CPVL: variants seen among roughly 807,000 people sequenced by gnomAD.
CPVL encodes the protein carboxypeptidase vitellogenic like.
In CPVL, 51 loss-of-function variants were observed where a neutral mutation model predicts 63.7. The ratio of observed to expected loss-of-function variants is 0.80; its 90% CI spans 0.64 to 1.01. The LOEUF (loss-of-function observed/expected upper bound fraction) is 1.01, where lower values mean the gene tolerates loss of function less well. Ranked by LOEUF, CPVL falls within the 50% of genes least tolerant of loss-of-function variation. CPVL has a pLI of 0.00. For missense variants in CPVL, 530 were observed against 573.1 expected, an observed-to-expected ratio of 0.92 and a Z score of 0.77; for synonymous variants, 195 against 206.0, an observed-to-expected ratio of 0.95 and a Z score of 0.46.
chr7:29,055,724 C>A (rs531809049), intron 11 of CPVL, among the ~76,000 whole-genome samples: 28 of 152,244 alleles, frequency 1.8e-4, no homozygotes, highest in Non-Finnish European at 3.7e-4. Flanking sequence ...ACTGAGGACA[C>A]TGGTTCTCAG....
chr7:29,006,218 T>G (rs779856114), intron 12 of CPVL, among the ~76,000 whole-genome samples: 1 of 152,178 alleles, frequency 6.6e-6, no homozygotes. Flanking sequence ...GTATTTACAC[T>G]ATGGAAATTG....
In CPVL at chr7:29,132,466, G is replaced by C. The variant is rs947468490; in HGVS notation, c.-10-11395C>G. Among the ~76,000 whole-genome samples, 23 of 152,226 alleles carry C rather than the reference G, an allele frequency of 1.5e-4. 1 individual carries two copies. The highest frequency in any genetic ancestry group is 1.1e-3 in the Admixed American group (17 of 15,294). On this transcript the variant is annotated intron_variant, in intron 1 of 12. Coordinates refer to ENST00000265394, the MANE Select transcript of CPVL (RefSeq NM_031311.5). ...TAGGGGTAGGGTGTCAGGCAGAAAG[G>C]TTCACCTTATGGGTACATTTGGATA...
chr7:29,099,712 A>AAAT (rs747637668), intron 3 of CPVL, among the ~76,000 whole-genome samples: 14 of 152,106 alleles, frequency 9.2e-5, no homozygotes, highest in Admixed American at 2.0e-4. Context: ...ATTCTGTCTC[A>AAAT]AATAATAATA....
At chr7:29,069,974 T>C (rs2128573585) in intron 9 of CPVL, among the ~76,000 whole-genome samples, 1 of 152,308 alleles carries the variant, frequency 6.6e-6, no homozygotes, top group Admixed American at 6.5e-5. Context: ...CTGACATTTA[T>C]ATTCCCCTGG....
chr7:29,121,878 G>A (rs1310038300), intron 1 of CPVL, among the ~76,000 whole-genome samples: 1 of 151,948 alleles, frequency 6.6e-6, no homozygotes, highest in Non-Finnish European at 1.5e-5. Context: ...AAGGGGGGAG[G>A]GTCCTACAAC....
chr7:29,099,690 CA>C (rs1251328239), intron 3 of CPVL, among the ~76,000 whole-genome samples: 2 of 152,146 alleles, frequency 1.3e-5, no homozygotes, highest in African/African-American at 4.8e-5. Context: ...TCAGCCTGGG[CA>C]ACAGAACAAG....
At chr7:29,049,671 C>T (rs990441248) in intron 11 of CPVL, among the ~76,000 whole-genome samples, 4 of 152,096 alleles carry the variant, frequency 2.6e-5, no homozygotes, top group Non-Finnish European at 4.4e-5. Flanking sequence ...TCTAGGAAAC[C>T]AGCATCACCC....
At chr7:29,114,643 ATAT>A (rs1562776125) in intron 2 of CPVL, among the ~76,000 whole-genome samples, 1 of 151,998 alleles carries the variant, frequency 6.6e-6, no homozygotes, top group Non-Finnish European at 1.5e-5. Context: ...AAAAAAACAT[ATAT>A]ATAGGCATGC....
chr7:29,144,100 C>T (rs896351770), intron 1 of CPVL, among the ~76,000 whole-genome samples: 10 of 152,192 alleles, frequency 6.6e-5, no homozygotes, highest in African/African-American at 1.7e-4. Flanking sequence ...TCAATATAGA[C>T]GTTAATGAGT....
In CPVL at chr7:29,166,983, T is replaced by A. The variant is rs187570442; in HGVS notation, c.-11+14307A>T. ...CTCCACAATATAAGATATATTTCTA[T>A]GCTTTTTTGCATGCATAGAGTACAT... On this transcript the variant is annotated intron_variant, in intron 5 of 16. Transcript: ENST00000409850. Among the ~76,000 whole-genome samples, 4 of 152,292 alleles carry A rather than the reference T, an allele frequency of 2.6e-5. No individual in the cohort carries two copies. In the East Asian group the frequency reaches 5.8e-4, roughly 22 times the overall value.
chr7:29,057,585 T>A (rs567733810), intron 11 of CPVL, among the ~76,000 whole-genome samples: 1 of 152,334 alleles, frequency 6.6e-6, no homozygotes, highest in South Asian at 2.1e-4. Flanking sequence ...CCCAAGGTCA[T>A]TTAGATTTTC....
chr7:29,018,906 G>C (rs1786682134), intron 12 of CPVL, among the ~76,000 whole-genome samples: 1 of 152,166 alleles, frequency 6.6e-6, no homozygotes, highest in Non-Finnish European at 1.5e-5. Flanking sequence ...GGGACCCAGA[G>C]ATAACACTTG....
chr7:29,194,959 C>T (rs1434053556), intron 1 of CPVL: 13 of 1,584,050 alleles, frequency 8.2e-6, no homozygotes, highest in Non-Finnish European at 1.0e-5. Flanking sequence ...CGTCCAGCAA[C>T]TCCAGCCTGT....
At chr7:29,183,506 A>T (rs1387846106) in intron 4 of CPVL, among the ~76,000 whole-genome samples, 1 of 151,398 alleles carries the variant, frequency 6.6e-6, no homozygotes, top group African/African-American at 2.4e-5. Context: ...CCTCCCAAGT[A>T]GCTGGGTTTA....
chr7:29,050,479 T>A (rs1234455968), intron 11 of CPVL, among the ~76,000 whole-genome samples: 1 of 152,002 alleles, frequency 6.6e-6, no homozygotes, highest in Admixed American at 6.6e-5. Flanking sequence ...TTGGAACTCA[T>A]CCATTTTGGT....
chr7:29,099,285 G>A (rs77016329), intron 3 of CPVL, among the ~76,000 whole-genome samples: 2,271 of 152,262 alleles, frequency 0.015, 46 homozygotes, highest in African/African-American at 0.052. Flanking sequence ...GAATAGGAAA[G>A]TGGGCTGTGT....
intron 11 of CPVL, among the ~76,000 whole-genome samples, chr7:29,060,933 T>A (rs1791212085): frequency 1.3e-5 from 2 of 152,198 alleles, no homozygotes; most frequent in Admixed American, 6.5e-5. Context: ...AGGTTCAACA[T>A]CATTAACAGA....
At chr7:29,195,124 G>T in exon 1 of CPVL, 2 of 907,362 alleles carry the variant, frequency 2.2e-6, no homozygotes, top group Non-Finnish European at 3.2e-6. Context: ...GGCGTCCGGG[G>T]TGATACTTGT....
intron 12 of CPVL, among the ~76,000 whole-genome samples, chr7:28,998,057 G>A (rs963998772): frequency 6.6e-6 from 1 of 152,302 alleles, no homozygotes; most frequent in East Asian, 1.9e-4. Flanking sequence ...ATCACAAACT[G>A]AAAGTAAACA....
Sources: allele counts gnomAD v4.1 joint callset (sites outside exome capture counted in the v4.1 genomes callset), GRCh38; gene constraint gnomAD v4.1.1; transcripts MANE v1.5; gene names NCBI Gene and HGNC (gene_info 2026-07-23, HGNC 2026-07-21).